CFAP221: variants seen among roughly 807,000 people sequenced by gnomAD.
CFAP221 encodes the protein cilia- and flagella-associated protein 221.
In CFAP221, 97 loss-of-function variants were observed where a neutral mutation model predicts 113.1. The ratio of observed to expected loss-of-function variants is 0.86; its 90% CI spans 0.73 to 1.02. The LOEUF (loss-of-function observed/expected upper bound fraction) is 1.02. Ranked by LOEUF, CFAP221 falls within the 50% of genes least tolerant of loss-of-function variation. The pLI, the probability that CFAP221 is intolerant of heterozygous loss-of-function variation, is 0.00. For synonymous variants in CFAP221, 331 were observed against 354.4 expected (o/e 0.93, Z 0.74); for missense variants, 1,025 against 1,013.4 (o/e 1.01, Z -0.16).
rs141685006 is a variant in CFAP221 at position 119,578,973 on chromosome 2, C to T, written c.528-8146C>T. On this transcript the variant is annotated intron_variant, in intron 6 of 23. Coordinates refer to ENST00000413369, the MANE Select transcript of CFAP221 (RefSeq NM_001271049.2). ...TAAGTCATTTTATTATATTTGCTTT[C>T]TGTAAGGCAAATTTTGCTTTCTTCT... Among the ~76,000 whole-genome samples the T allele has an allele frequency of 4.6e-5, 7 of 152,190 alleles. No homozygotes were observed. In the East Asian group the frequency reaches 1.3e-3, roughly 29 times the overall value.
At chr2:119,606,864 CATT>C (rs938229728) in intron 11 of CFAP221, among the ~76,000 whole-genome samples, 6 of 152,040 alleles carry the variant, frequency 3.9e-5, no homozygotes, top group Non-Finnish European at 7.4e-5. Context: ...TAATTGTTGA[CATT>C]ATGACACATA....
intron 6 of CFAP221, among the ~76,000 whole-genome samples, chr2:119,575,124 G>T (rs959880986): frequency 6.6e-6 from 1 of 152,128 alleles, no homozygotes; most frequent in Non-Finnish European, 1.5e-5. Flanking sequence ...TTCTTCTGCT[G>T]CCTACTCTAA....
intron 7 of CFAP221, 45 bp downstream of exon 7, chr2:119,587,267 G>A (rs1048229252): frequency 3.1e-6 from 4 of 1,305,556 alleles, no homozygotes; most frequent in African/African-American, 3.0e-5. Context: ...AGAATAAGCT[G>A]CATTCAAACG....
intron 6 of CFAP221, among the ~76,000 whole-genome samples, chr2:119,582,825 C>T (rs1285460643): frequency 2.6e-5 from 4 of 151,956 alleles, no homozygotes; most frequent in Admixed American, 2.0e-4. Context: ...CTATAGCTGC[C>T]AAGTCATAGG....
At chr2:119,576,972 C>G (rs1256763486) in intron 6 of CFAP221, among the ~76,000 whole-genome samples, 1 of 152,216 alleles carries the variant, frequency 6.6e-6, no homozygotes, top group Non-Finnish European at 1.5e-5. Context: ...TTCCTTCTCT[C>G]TATGTGTATG....
intron 7 of CFAP221, among the ~76,000 whole-genome samples, chr2:119,596,245 G>A (rs971855757): frequency 6.6e-5 from 10 of 152,208 alleles, no homozygotes; most frequent in African/African-American, 2.4e-4. Flanking sequence ...CTTGGAGATG[G>A]TGAGGGACAG....
At chr2:119,545,527 TGGCTGGCCGTA>T (rs1043192879) in intron 1 of CFAP221, among the ~76,000 whole-genome samples, 1 of 152,200 alleles carries the variant, frequency 6.6e-6, no homozygotes, top group Non-Finnish European at 1.5e-5. Flanking sequence ...GTCTGGCACC[TGGCTGGCCGTA>T]GGTTTCACCA....
chr2:119,622,143 G>A (rs1037413475), intron 14 of CFAP221, among the ~76,000 whole-genome samples: 3 of 152,084 alleles, frequency 2.0e-5, no homozygotes, highest in Non-Finnish European at 4.4e-5. Flanking sequence ...GAAGAAAAGA[G>A]AGAAGAATCA....
chr2:119,631,906 CTTAAG>C (rs1211276049), intron 19 of CFAP221, among the ~76,000 whole-genome samples: 1 of 152,134 alleles, frequency 6.6e-6, no homozygotes, highest in African/African-American at 2.4e-5. Context: ...AATTTGATGA[CTTAAG>C]TTAAATGTGC....
intron 7 of CFAP221, among the ~76,000 whole-genome samples, chr2:119,595,862 G>C (rs536891023): frequency 6.6e-6 from 1 of 152,156 alleles, no homozygotes; most frequent in Admixed American, 6.6e-5. Context: ...TAACAAAAAG[G>C]CACCAGACTT....
At chr2:119,570,486 A>G (rs1244686089) in intron 6 of CFAP221, among the ~76,000 whole-genome samples, 2 of 152,210 alleles carry the variant, frequency 1.3e-5, no homozygotes, top group Admixed American at 6.5e-5. Flanking sequence ...GAACATTTTT[A>G]TAACCCCCCC....
intron 22 of CFAP221, among the ~76,000 whole-genome samples, chr2:119,651,575 C>T (rs565394874): frequency 6.6e-6 from 1 of 151,110 alleles, no homozygotes; most frequent in East Asian, 1.9e-4. Flanking sequence ...GTCTTCTTTG[C>T]TGTTGATTTC....
chr2:119,634,211 A>G (rs1430214101), intron 19 of CFAP221, among the ~76,000 whole-genome samples: 3 of 152,242 alleles, frequency 2.0e-5, no homozygotes, highest in African/African-American at 7.2e-5. Context: ...ATGGTAGTTC[A>G]TGCCTGTACT....
At chr2:119,601,547 C>G (rs1449924622) in intron 8 of CFAP221, 170 bp downstream of exon 8, 1 of 589,830 alleles carries the variant, frequency 1.7e-6, no homozygotes, top group Non-Finnish European at 2.7e-6. Context: ...TAGAATATAT[C>G]TATGCTAGTA....
chr2:119,620,807 A>G (rs1685856577), intron 14 of CFAP221, among the ~76,000 whole-genome samples: 1 of 152,206 alleles, frequency 6.6e-6, no homozygotes, highest in African/African-American at 2.4e-5. Context: ...CAAATTGGAT[A>G]GAGAGTCAAG....
intron 6 of CFAP221, among the ~76,000 whole-genome samples, chr2:119,566,438 T>G (rs1358588067): frequency 6.6e-6 from 1 of 152,230 alleles, no homozygotes; most frequent in African/African-American, 2.4e-5. Context: ...GTCTCCTAGC[T>G]TGCCACTCTC....
intron 14 of CFAP221, among the ~76,000 whole-genome samples, chr2:119,617,133 T>TA (rs1168900428): frequency 2.6e-5 from 4 of 152,220 alleles, no homozygotes; most frequent in Non-Finnish European, 4.4e-5. Flanking sequence ...TGAATATATA[T>TA]AAGGGACTTC....
chr2:119,572,045 A>G (rs866862284), intron 6 of CFAP221, among the ~76,000 whole-genome samples: 1 of 152,142 alleles, frequency 6.6e-6, no homozygotes. Context: ...ACCTCAGCAC[A>G]TTTTCCCCAA....
intron 14 of CFAP221, among the ~76,000 whole-genome samples, chr2:119,623,516 A>G (rs908785444): frequency 1.3e-5 from 2 of 152,206 alleles, no homozygotes; most frequent in Non-Finnish European, 2.9e-5. Flanking sequence ...GAAAAAAACT[A>G]CTTTAAATTT....
Sources: gnomAD v4.1 joint callset for allele counts (sites outside exome capture counted in the v4.1 genomes callset) on GRCh38, gnomAD v4.1.1 for gene constraint, MANE v1.5 for transcripts, NCBI Gene and HGNC (gene_info 2026-07-23, HGNC 2026-07-21) for gene names.